Variants in TBC1D13 observed in about 807,000 individuals in gnomAD.
TBC1D13 encodes the protein epididymis secretory sperm binding protein.
A neutral mutation model predicts 53.6 loss-of-function variants in TBC1D13; 40 were observed. The observed-to-expected ratio is 0.75, with a 90% confidence interval of 0.58 to 0.97. The LOEUF (loss-of-function observed/expected upper bound fraction) is 0.97, where lower values mean the gene tolerates loss of function less well. TBC1D13 is among the 50% of genes least tolerant of loss of function. The probability of loss-of-function intolerance (pLI) is 0.00; values close to 1 mark genes in which losing one functional copy is unlikely to be tolerated. For synonymous variants in TBC1D13, 182 were observed against 197.7 expected (o/e 0.92, Z 0.67); for missense variants, 377 against 499.4 (o/e 0.75, Z 2.34).
intron 4 of TBC1D13, 74 bp downstream of exon 4, chr9:128,791,515 G>A (rs887762310): frequency 2.1e-5 from 33 of 1,607,846 alleles, no homozygotes; most frequent in Admixed American, 1.7e-5. Context: ...GGGCCGCCCT[G>A]CCTCCTGCGG....
intron 6 of TBC1D13, among the ~76,000 whole-genome samples, chr9:128,796,506 C>A (rs895385696): frequency 5.9e-5 from 9 of 152,090 alleles, no homozygotes; most frequent in Non-Finnish European, 1.0e-4. Context: ...CTGCCTCAGC[C>A]TCCCAAAGTG....
At chr9:128,803,921 T>G (rs940521546) in intron 8 of TBC1D13, 35 bp from the exon 9 acceptor site, 1 of 1,608,248 alleles carries the variant, frequency 6.2e-7, no homozygotes, top group Admixed American at 1.7e-5. Flanking sequence ...GGGCCTGGAG[T>G]GCGCCACTTC....
At chr9:128,803,805 G>T (rs1169903881) in intron 8 of TBC1D13, 151 bp from the exon 9 acceptor site, 11 of 942,402 alleles carry the variant, frequency 1.2e-5, no homozygotes, top group Admixed American at 1.1e-4. Flanking sequence ...TAGCCTGGGG[G>T]TGGAGAGGGG....
intron 10 of TBC1D13, 51 bp downstream of exon 10, chr9:128,806,070 A>G (rs1051594507): frequency 1.4e-5 from 23 of 1,599,446 alleles, no homozygotes; most frequent in Non-Finnish European, 1.8e-5. Flanking sequence ...TCCTTGGAGA[A>G]GCCAGACAGG....
chr9:128,809,121 G>A lies in TBC1D13; in HGVS notation c.*1242G>A, dbSNP rs1829900847. 1 of 152,310 alleles carries A rather than the reference G, an allele frequency of 6.6e-6. No homozygotes were observed. Among genetic ancestry groups the A allele is most frequent in the African/African-American group, 2.4e-5 (1 of 41,442 alleles). The allele number at this position is 152,310 out of a possible 1,614,324, so 9.4% of individuals were successfully genotyped here. ...CCTCTCTGGGGCCAGGGGTAGCTGA[G>A]CTTAAAGGCCCTGGGTCCTGCCAGT... On this transcript the variant is annotated 3_prime_UTR_variant, in exon 12 of 12. Coordinates refer to ENST00000372648, the MANE Select transcript of TBC1D13 (RefSeq NM_018201.5).
At chr9:128,792,938 C>G (rs573988797) in intron 6 of TBC1D13, among the ~76,000 whole-genome samples, 36 of 152,318 alleles carry the variant, frequency 2.4e-4, no homozygotes, top group Non-Finnish European at 4.4e-5. Context: ...ATCTTAGAAC[C>G]TAGAAGGGAG....
chr9:128,789,397 T>C (rs1347298344), intron 2 of TBC1D13, among the ~76,000 whole-genome samples: 2 of 151,592 alleles, frequency 1.3e-5, no homozygotes, highest in African/African-American at 2.4e-5. Flanking sequence ...TATTCACTCA[T>C]GTTCATGGTA....
chr9:128,791,768 C>T (rs1475567730), intron 5 of TBC1D13, 75 bp downstream of exon 5: 4 of 1,325,318 alleles, frequency 3.0e-6, no homozygotes, highest in African/African-American at 2.9e-5. Context: ...GGCAAGGGCC[C>T]CTGCATGCCA....
rs1342731561 is a variant in TBC1D13 at position 128,807,947 on chromosome 9, A to G, written c.*68A>G. ...CCCTGTGCCCTGGCTCCCGGGACAC[A>G]TAGAAACCTGTAGGAACCCAGCCTG... On this transcript the variant is annotated 3_prime_UTR_variant, in exon 12 of 12. Transcript: ENST00000372648. The G allele has an allele frequency of 6.6e-7, 1 of 1,515,050 alleles. No individual in the cohort carries two copies. Among genetic ancestry groups the G allele is most frequent in the South Asian group, 1.1e-5 (1 of 88,454 alleles). The allele number at this position is 1,515,050 out of a possible 1,614,324, so 93.9% of individuals were successfully genotyped here.
In TBC1D13 at chr9:128,803,344, G is replaced by A. The variant is rs770232453; in HGVS notation, c.638G>A (p.Arg213Gln). ...GCEAHWEVVE[R>Q]ILFIYAKLNP... ...GAGGCCCACTGGGAGGTGGTGGAGC[G>A]GATCCTGTTCATCTACGCCAAGCTC... Residue 213 changes from arginine (R) to glutamine (Q), a missense_variant, in exon 8 of 12, where the codon CGG (arginine) becomes CAG (glutamine). Arg to Gln is a conservative substitution (Grantham distance 43). Transcript: ENST00000372648. 8.0e-5 allele frequency: 129 copies of A among 1,614,074 alleles called. No homozygotes were observed. The highest frequency in any genetic ancestry group is 7.8e-4 in the Admixed American group (47 of 59,994).
intron 11 of TBC1D13, 135 bp downstream of exon 11, chr9:128,806,446 C>G (rs527826023): frequency 9.8e-7 from 1 of 1,019,734 alleles, no homozygotes; most frequent in Non-Finnish European, 1.5e-6. Context: ...GACCCCTGAG[C>G]AGATCTGGTT....
rs10648259 is a variant in TBC1D13, at chr9:128,789,316, C to CAAAAA, written c.97+925_97+929dup. On this transcript the variant is annotated intron_variant, in intron 2 of 11. Transcript: ENST00000372648. ...GGGCGACAAGAGTGAAGCTCCATCT[C>CAAAAA]AAAAAAAAAAAAAAAAAAAAGAACT... is the stretch of plus-strand genomic sequence containing the variant. Among the ~76,000 whole-genome samples, 214 of 81,812 alleles carry CAAAAA rather than the reference C, an allele frequency of 2.6e-3. 3 individuals carry two copies. The highest frequency in any genetic ancestry group is 6.9e-3 in the Middle Eastern group (1 of 144). 53.7% of individuals were successfully genotyped at this position (81,812 alleles called of 152,430 possible). A position where few individuals can be genotyped will look rare whatever the true frequency, so the allele number is the denominator to read the frequency against.
At chr9:128,806,917 C>G (rs1261144101) in intron 11 of TBC1D13, among the ~76,000 whole-genome samples, 3 of 151,440 alleles carry the variant, frequency 2.0e-5, no homozygotes, top group African/African-American at 4.8e-5. Flanking sequence ...GCACTCCAGC[C>G]TGGGGGACAG....
Position 128,805,821 on chromosome 9 carries a change from C to G in TBC1D13, c.919-38C>G, listed in dbSNP as rs1304255282. ...GGTGCTCCATGGCCGGCAGCCAACA[C>G]AGAGTCATGCCCCCCACCCCCCACG... is the stretch of plus-strand genomic sequence containing the variant. On this transcript the variant is annotated intron_variant, in intron 9 of 11. Transcript: ENST00000372648. The G allele has an allele frequency of 1.9e-6, 3 of 1,600,858 alleles. No homozygotes were observed. In the East Asian group the frequency reaches 6.7e-5, roughly 36 times the overall value.
chr9:128,791,246 C>A, intron 3 of TBC1D13, 134 bp from the exon 4 acceptor site: 2 of 847,814 alleles, frequency 2.4e-6, no homozygotes, highest in South Asian at 1.5e-5. Flanking sequence ...CTCATGCTGG[C>A]ATTCCTGGAT....
intron 7 of TBC1D13, among the ~76,000 whole-genome samples, chr9:128,801,984 G>A (rs34048763): frequency 0.42 from 58,745 of 139,320 alleles, 16,134 homozygotes; most frequent in African/African-American, 0.72. Context: ...GATGGTCTTG[G>A]TCTCCTGACC....
At chr9:128,788,457 C>A in intron 2 of TBC1D13, 50 bp downstream of exon 2, 1 of 1,556,590 alleles carries the variant, frequency 6.4e-7, no homozygotes, top group Non-Finnish European at 8.8e-7. Flanking sequence ...AGCCCTGTGG[C>A]TAGAATACAG....
chr9:128,794,243 C>T (rs946498691), intron 6 of TBC1D13, among the ~76,000 whole-genome samples: 3 of 152,154 alleles, frequency 2.0e-5, no homozygotes, highest in Non-Finnish European at 4.4e-5. Flanking sequence ...CCCTTGCCAC[C>T]CTGGGTGCTG....
intron 9 of TBC1D13, among the ~76,000 whole-genome samples, chr9:128,805,042 G>A (rs4837314): frequency 0.99 from 151,512 of 152,300 alleles, 75,369 homozygotes; most frequent in Middle Eastern, 1. Context: ...CAGGAATAAT[G>A]ATATCTTTTT....
Sources: gnomAD v4.1 joint callset for allele counts (sites outside exome capture counted in the v4.1 genomes callset) on GRCh38, gnomAD v4.1.1 for gene constraint, MANE v1.5 for transcripts, NCBI Gene and HGNC (gene_info 2026-07-23, HGNC 2026-07-21) for gene names.